Variants in ADAMTSL1 observed in about 807,000 individuals in gnomAD.
ADAMTSL1 encodes the protein ADAMTS like 1.
ADAMTSL1 carries 126 observed loss-of-function variants against 201.8 expected under a neutral mutation model. That is an observed-to-expected ratio of 0.62 (90% CI 0.54 to 0.72). ADAMTSL1 has a LOEUF of 0.72. Ranked by LOEUF, ADAMTSL1 falls within the 30% of genes least tolerant of loss-of-function variation. The pLI, the probability that ADAMTSL1 is intolerant of heterozygous loss-of-function variation, is 0.00. For missense variants in ADAMTSL1, 2,679 were observed against 2,277.8 expected, an observed-to-expected ratio of 1.18 and a Z score of -3.59; for synonymous variants, 1,121 against 903.4, an observed-to-expected ratio of 1.24 and a Z score of -4.32.
intron 1 of ADAMTSL1, among the ~76,000 whole-genome samples, chr9:18,064,725 G>A (rs942993075): frequency 6.6e-6 from 1 of 152,086 alleles, no homozygotes; most frequent in South Asian, 2.1e-4. Context: ...TCATTGGCTT[G>A]TTTGTGCCCT....
chr9:18,754,904 A>G (rs1359233332), intron 16 of ADAMTSL1, among the ~76,000 whole-genome samples: 1 of 152,196 alleles, frequency 6.6e-6, no homozygotes, highest in Non-Finnish European at 1.5e-5. Flanking sequence ...AGCGCTTAAG[A>G]AATGTATATT....
chr9:18,902,247 A>G (rs912434627), intron 26 of ADAMTSL1, among the ~76,000 whole-genome samples: 3 of 152,240 alleles, frequency 2.0e-5, no homozygotes, highest in African/African-American at 7.2e-5. Flanking sequence ...GAACAATACT[A>G]TAAACCAATT....
chr9:18,600,644 A>G (rs968970178), intron 4 of ADAMTSL1, among the ~76,000 whole-genome samples: 24 of 152,134 alleles, frequency 1.6e-4, no homozygotes, highest in African/African-American at 5.3e-4. Flanking sequence ...CATCTCATCT[A>G]GCTCAGGATC....
intron 1 of ADAMTSL1, among the ~76,000 whole-genome samples, chr9:17,913,260 G>A (rs1221861807): frequency 6.6e-6 from 1 of 152,058 alleles, no homozygotes; most frequent in Non-Finnish European, 1.5e-5. Context: ...GATGGGGATG[G>A]CATTGAATCT....
At chr9:18,193,340 C>A (rs1587279023) in intron 2 of ADAMTSL1, among the ~76,000 whole-genome samples, 1 of 152,016 alleles carries the variant, frequency 6.6e-6, no homozygotes, top group Non-Finnish European at 1.5e-5. Flanking sequence ...TTTATGGCAG[C>A]CACAGTGGGA....
intron 1 of ADAMTSL1, among the ~76,000 whole-genome samples, chr9:18,500,808 A>G (rs1479469762): frequency 2.6e-5 from 4 of 152,214 alleles, no homozygotes; most frequent in Non-Finnish European, 5.9e-5. Flanking sequence ...ATCTACTACT[A>G]GTGAAACATT....
chr9:18,196,352 G>C (rs764774160), intron 2 of ADAMTSL1, among the ~76,000 whole-genome samples: 9 of 152,024 alleles, frequency 5.9e-5, no homozygotes, highest in Non-Finnish European at 1.0e-4. Flanking sequence ...CATCGTAAAA[G>C]AGGAGTCCAT....
chr9:18,799,170 G>C (rs1822620300), intron 20 of ADAMTSL1, among the ~76,000 whole-genome samples: 1 of 152,162 alleles, frequency 6.6e-6, no homozygotes, highest in Non-Finnish European at 1.5e-5. Context: ...TCCAAGTGTA[G>C]ATGAAAGTAG....
In ADAMTSL1 at chr9:18,143,594, G is replaced by A. The variant is rs114741756; in HGVS notation, c.88-20268G>A. 5.4e-3 allele frequency among the ~76,000 whole-genome samples: 817 copies of A among 152,172 alleles called. 8 individuals are homozygous for A. Among genetic ancestry groups the A allele is most frequent in the African/African-American group, 0.019 (781 of 41,530 alleles). ...AGAACCCCATGGGTCAAGTGTAGGC[G>A]TGTGCATGCTTTATAGATGGGTCCC... On this transcript the variant is annotated intron_variant, in intron 1 of 29. Coordinates refer to the ADAMTSL1 transcript ENST00000680146.
intron 1 of ADAMTSL1, among the ~76,000 whole-genome samples, chr9:17,969,956 A>G (rs1280113856): frequency 6.6e-6 from 1 of 152,090 alleles, no homozygotes; most frequent in African/African-American, 2.4e-5. Flanking sequence ...AAAACCATAA[A>G]ATAAAAGTTG....
At chr9:18,549,387 T>A (rs948350680) in intron 3 of ADAMTSL1, among the ~76,000 whole-genome samples, 5 of 151,998 alleles carry the variant, frequency 3.3e-5, no homozygotes, top group Admixed American at 1.3e-4. Context: ...GTGAAGAGTG[T>A]AGGCAAAATA....
rs542005136 is a variant in ADAMTSL1 at position 18,621,550 on chromosome 9, C to A, written c.475-693C>A. Among the ~76,000 whole-genome samples, 4 of 138,006 alleles carry A rather than the reference C, an allele frequency of 2.9e-5. No individual in the cohort carries two copies. The South Asian group carries it at 9.6e-4, about 33-fold the overall frequency. 90.5% of individuals were successfully genotyped at this position (138,006 alleles called of 152,430 possible). A position where few individuals can be genotyped will look rare whatever the true frequency, so the allele number is the denominator to read the frequency against. ...TCCCTGCTGCCCTTCATGCAACCGT[C>A]CTCTTCCACACACACACACACACAC... On this transcript the variant is annotated intron_variant, in intron 4 of 28. Transcript: ENST00000380548.
intron 20 of ADAMTSL1, among the ~76,000 whole-genome samples, chr9:18,807,800 C>T (rs1352332971): frequency 6.6e-6 from 1 of 152,152 alleles, no homozygotes; most frequent in Non-Finnish European, 1.5e-5. Flanking sequence ...CGTGCCATGG[C>T]TTTTGTTATC....
At chr9:18,783,334 C>T (rs16937066) in intron 19 of ADAMTSL1, among the ~76,000 whole-genome samples, 16,469 of 152,154 alleles carry the variant, frequency 0.11, 1,055 homozygotes, top group East Asian at 0.26. Context: ...AAAAATCCAA[C>T]GTGCATAATA....
intron 1 of ADAMTSL1, among the ~76,000 whole-genome samples, chr9:18,005,922 C>G (rs935008661): frequency 3.3e-5 from 5 of 151,932 alleles, no homozygotes; most frequent in African/African-American, 7.2e-5. Flanking sequence ...TAGGTCATGT[C>G]TTCTACCAGT....
rs1167962223 is a variant in ADAMTSL1 at position 18,574,088 on chromosome 9, T to C, written c.296T>C (p.Val99Ala). The part of the protein sequence containing the change: ...RAQQCSAHND[V>A]KHHGQFYEWL... ...CAGCAATGCTCAGCTCATAATGATG[T>C]CAAGCACCATGGCCAGTTTTATGAA... The change falls in exon 4 of 29, where the codon GTC becomes GCC. Residue 99 changes from valine (V) to alanine (A), a missense_variant. Coordinates refer to ENST00000380548, the MANE Select transcript of ADAMTSL1 (RefSeq NM_001040272.6). The C allele has an allele frequency of 6.2e-7, 1 of 1,614,128 alleles. No homozygotes were observed. Among genetic ancestry groups the C allele is most frequent in the Non-Finnish European group, 8.5e-7 (1 of 1,180,004 alleles).
At chr9:18,282,878 C>T (rs977147790) in intron 2 of ADAMTSL1, among the ~76,000 whole-genome samples, 5 of 152,140 alleles carry the variant, frequency 3.3e-5, no homozygotes, top group African/African-American at 4.8e-5. Flanking sequence ...GCCTGGGCAA[C>T]AAGAGTGAAA....
intron 1 of ADAMTSL1, among the ~76,000 whole-genome samples, chr9:18,049,921 C>T (rs1821854576): frequency 1.3e-5 from 2 of 152,192 alleles, no homozygotes; most frequent in South Asian, 2.1e-4. Context: ...CCGTGCCCGG[C>T]CCGGACTTCT....
intron 1 of ADAMTSL1, among the ~76,000 whole-genome samples, chr9:17,996,154 G>A (rs952098135): frequency 6.9e-6 from 1 of 144,116 alleles, no homozygotes; most frequent in African/African-American, 2.7e-5. Context: ...AGTGTTCAAA[G>A]AGTGTTTTTA....
Sources: gnomAD v4.1 joint callset for allele counts (sites outside exome capture counted in the v4.1 genomes callset) on GRCh38, gnomAD v4.1.1 for gene constraint, MANE v1.5 for transcripts, NCBI Gene and HGNC (gene_info 2026-07-23, HGNC 2026-07-21) for gene names.